ARL8A: variants seen among roughly 807,000 people sequenced by gnomAD.
ARL8A encodes the protein ADP-ribosylation factor-like protein 8A.
Under a neutral mutation model 31.2 loss-of-function variants are expected in ARL8A, and 10 were observed. The observed-to-expected ratio is 0.32, with a 90% CI of 0.20 to 0.54. The LOEUF (loss-of-function observed/expected upper bound fraction) is 0.54, where lower values mean the gene tolerates loss of function less well. Ranked by LOEUF, ARL8A falls within the 20% of genes least tolerant of loss-of-function variation. The pLI is 0.93. For missense variants in ARL8A, 129 were observed against 242.8 expected (o/e 0.53, Z 3.12); for synonymous variants, 70 against 86.9 (o/e 0.81, Z 1.08).
In ARL8A at chr1:202,135,276, G is replaced by A. The variant is rs1333740787; in HGVS notation, c.441-56C>T. ...GCTACGAACGTCCAGGGGGCCTGGGGCTAGGGGACAGCGGGGCCTTTTTCT... is the reference window on the plus strand; with the variant it reads ...GCTACGAACGTCCAGGGGGCCTGGGACTAGGGGACAGCGGGGCCTTTTTCT... On this transcript the variant is annotated intron_variant, in intron 5 of 6. Coordinates refer to ENST00000272217, the MANE Select transcript of ARL8A (RefSeq NM_138795.4). This position sits in a 1 kb window ranked among gnomAD's most constrained non-coding sequence, Gnocchi z 5.3. 6.4e-7 allele frequency: 1 copy of A among 1,556,764 alleles called. No individual in the cohort carries two copies. Among genetic ancestry groups the A allele is most frequent in the Non-Finnish European group, 8.9e-7 (1 of 1,128,152 alleles).
chr1:202,134,650 G>A lies in ARL8A; in HGVS notation c.512-134C>T. 2.5e-6 allele frequency: 2 copies of A among 797,164 alleles called. No individual in the cohort carries two copies. The highest frequency in any genetic ancestry group is 2.9e-5 in the South Asian group (2 of 68,126). 49.4% of individuals were successfully genotyped at this position (797,164 alleles called of 1,614,324 possible). ...CCAGGAGGGGTGGCGCACACCTGGA[G>A]TCTCAGCTACATGGGAAGCTCAGGT... On this transcript the variant is annotated intron_variant, in intron 6 of 6. Coordinates refer to ENST00000272217, the MANE Select transcript of ARL8A (RefSeq NM_138795.4). This position sits in a 1 kb window ranked among gnomAD's most constrained non-coding sequence, Gnocchi z 4.2.
In ARL8A at chr1:202,135,676, C is replaced by G; in HGVS notation, c.372+31G>C. On this transcript the variant is annotated intron_variant, in intron 4 of 6. Transcript: ENST00000272217. The surrounding 1 kb of genome is among the most constrained non-coding windows in gnomAD (Gnocchi z 5.3). ...CCCAGTGACTTCCCAGCCGAGCTCC[C>G]TCCCCATCCCGCTCCCTCAGGTCTG... 6.2e-7 allele frequency: 1 copy of G among 1,604,362 alleles called. No homozygotes were observed. The highest frequency in any genetic ancestry group is 8.5e-7 in the Non-Finnish European group (1 of 1,171,258).
chr1:202,137,863 G>A (rs1348643159), intron 3 of ARL8A, 102 bp downstream of exon 3: 2 of 1,283,024 alleles, frequency 1.6e-6, no homozygotes, highest in East Asian at 2.5e-5. Context: ...ATGAACCAAG[G>A]ATTATGTCTA....
Position 202,134,527 on chromosome 1 carries a change from A to T in ARL8A, c.512-11T>A, listed in dbSNP as rs1247089895. On this transcript the variant is annotated splice_polypyrimidine_tract_variant and intron_variant, in intron 6 of 6. Coordinates refer to ENST00000272217, the MANE Select transcript of ARL8A (RefSeq NM_138795.4). The surrounding 1 kb of genome is among the most constrained non-coding windows in gnomAD (Gnocchi z 4.2). ...ACTGTAGGGTGATGTCTGATAGGAG[A>T]AAAGAGAACAGCTTATAAGGCCTGC... 1 of 1,611,520 alleles carries T rather than the reference A, an allele frequency of 6.2e-7. No individual in the cohort carries two copies. The highest frequency in any genetic ancestry group is 8.5e-7 in the Non-Finnish European group (1 of 1,177,860).
At chr1:202,136,979 C>T (rs940229347) in intron 3 of ARL8A, among the ~76,000 whole-genome samples, 5 of 151,852 alleles carry the variant, frequency 3.3e-5, no homozygotes, top group South Asian at 2.1e-4. Context: ...CTCAGCCTCG[C>T]GAGTAGCTGG....
intron 3 of ARL8A, among the ~76,000 whole-genome samples, chr1:202,136,017 T>C (rs1044586136): frequency 6.6e-6 from 1 of 152,150 alleles, no homozygotes; most frequent in African/African-American, 2.4e-5. Flanking sequence ...AGGCCTGCCA[T>C]TAGCCTCCAA....
chr1:202,144,427 C>A lies in ARL8A; in HGVS notation c.123+23G>T. On this transcript the variant is annotated intron_variant, in intron 1 of 6. Coordinates refer to ENST00000272217, the MANE Select transcript of ARL8A (RefSeq NM_138795.4). The surrounding 1 kb of genome is among the most constrained non-coding windows in gnomAD (Gnocchi z 5.2). ...CCGACCCGCGGCCCGCGCCCGGGGA[C>A]CCCGCGCCCGACGCCCTCGTACCGC... 1 of 1,376,918 alleles carries A rather than the reference C, an allele frequency of 7.3e-7. No homozygotes were observed. The highest frequency in any genetic ancestry group is 9.6e-7 in the Non-Finnish European group (1 of 1,037,600). The allele number at this position is 1,376,918 out of a possible 1,614,324, so 85.3% of individuals were successfully genotyped here.
chr1:202,135,857 CAAGG>C lies in ARL8A; in HGVS notation c.279-61_279-58del, dbSNP rs1654992144. 1.4e-6 allele frequency: 2 copies of C among 1,471,982 alleles called. No individual in the cohort carries two copies. The highest frequency in any genetic ancestry group is 1.9e-6 in the Non-Finnish European group (2 of 1,051,942). The allele number at this position is 1,471,982 out of a possible 1,614,324, so 91.2% of individuals were successfully genotyped here. ...GTTGACACCACAGGCTGAGGTGGTG[CAAGG>C]AAGAGAAGGAGCTGCTGCTTGGAGG... On this transcript the variant is annotated intron_variant, in intron 3 of 6. Coordinates refer to ENST00000272217, the MANE Select transcript of ARL8A (RefSeq NM_138795.4). The surrounding 1 kb of genome is among the most constrained non-coding windows in gnomAD (Gnocchi z 5.3).
chr1:202,142,861 C>T (rs1655196940), intron 1 of ARL8A, among the ~76,000 whole-genome samples: 1 of 152,138 alleles, frequency 6.6e-6, no homozygotes, highest in South Asian at 2.1e-4. Context: ...TATAGTAACA[C>T]CCTGGGGAAC....
intron 3 of ARL8A, 48 bp downstream of exon 3, chr1:202,137,917 G>C (rs759400519): frequency 1.2e-6 from 2 of 1,604,344 alleles, no homozygotes; most frequent in Non-Finnish European, 1.7e-6. Context: ...AGCAGGGCTA[G>C]GGGGGCCGGG....
chr1:202,137,810 G>A (rs541463873), intron 3 of ARL8A, among the ~76,000 whole-genome samples, 155 bp downstream of exon 3: 6 of 152,294 alleles, frequency 3.9e-5, no homozygotes, highest in Admixed American at 2.0e-4. Context: ...TAAGAAACAA[G>A]TGGCATGCAA....
In ARL8A at chr1:202,134,615, T is replaced by C; in HGVS notation, c.512-99A>G. 1 of 1,113,250 alleles carries C rather than the reference T, an allele frequency of 9.0e-7. No individual in the cohort carries two copies. The highest frequency in any genetic ancestry group is 1.2e-5 in the South Asian group (1 of 80,308). The allele number at this position is 1,113,250 out of a possible 1,614,324, so 69.0% of individuals were successfully genotyped here. On this transcript the variant is annotated intron_variant, in intron 6 of 6. Coordinates refer to ENST00000272217, the MANE Select transcript of ARL8A (RefSeq NM_138795.4). The surrounding 1 kb of genome is among the most constrained non-coding windows in gnomAD (Gnocchi z 4.2). Reference sequence around the variant, plus strand: ...AAACCAAACCTAAGGGTATCAGAAGTCCAGAGATGCCAGGAGGGGTGGCGC... The same window carrying C: ...AAACCAAACCTAAGGGTATCAGAAGCCCAGAGATGCCAGGAGGGGTGGCGC...
At chr1:202,139,516 T>C (rs1184596251) in intron 1 of ARL8A, among the ~76,000 whole-genome samples, 1 of 147,262 alleles carries the variant, frequency 6.8e-6, no homozygotes, top group Non-Finnish European at 1.5e-5. Flanking sequence ...GAGGTTGCAG[T>C]GAGCCGAGAT....
Position 202,134,430 on chromosome 1 carries a change from A to C in ARL8A, c.*37T>G, listed in dbSNP as rs1654948352. On this transcript the variant is annotated 3_prime_UTR_variant, in exon 7 of 7. Transcript: ENST00000272217. This position sits in a 1 kb window ranked among gnomAD's most constrained non-coding sequence, Gnocchi z 4.2. Reference sequence around the variant, plus strand: ...GGGAGCTCGGCTTCAGGTTTAGATGATGACGGTCCCTGGTCTGAGGGAGAA... The same window carrying C: ...GGGAGCTCGGCTTCAGGTTTAGATGCTGACGGTCCCTGGTCTGAGGGAGAA... 1 of 1,599,674 alleles carries C rather than the reference A, an allele frequency of 6.3e-7. No individual in the cohort carries two copies. The highest frequency in any genetic ancestry group is 1.1e-5 in the South Asian group (1 of 90,746).
Position 202,135,355 on chromosome 1 carries a change from TGCCACC to T in ARL8A, c.440+98_440+103del. On this transcript the variant is annotated intron_variant, in intron 5 of 6. Transcript: ENST00000272217. This position sits in a 1 kb window ranked among gnomAD's most constrained non-coding sequence, Gnocchi z 5.3. The stretch of plus-strand genomic sequence containing the variant: ...AGGTGCCTGAAAAGGTCGGCTCTGC[TGCCACC>T]GTGTGGCTAATACTAAGAACAGCAG... 6.7e-7 allele frequency: 1 copy of T among 1,499,944 alleles called. No individual in the cohort carries two copies. The highest frequency in any genetic ancestry group is 2.3e-5 in the East Asian group (1 of 44,208). 92.9% of individuals were successfully genotyped at this position (1,499,944 alleles called of 1,614,324 possible).
chr1:202,134,998 A>G lies in ARL8A; in HGVS notation c.511+152T>C. 4.3e-6 allele frequency: 3 copies of G among 701,584 alleles called. No individual in the cohort carries two copies. Among genetic ancestry groups the G allele is most frequent in the Non-Finnish European group, 7.4e-6 (3 of 406,678 alleles). 43.5% of individuals were successfully genotyped at this position (701,584 alleles called of 1,614,324 possible). On this transcript the variant is annotated intron_variant, in intron 6 of 6. Coordinates refer to ENST00000272217, the MANE Select transcript of ARL8A (RefSeq NM_138795.4). This position sits in a 1 kb window ranked among gnomAD's most constrained non-coding sequence, Gnocchi z 4.2. ...CAACCGCTTGGCGACAAGCTGGGATAGTGCCCAGAATCTGGGCCACCTGGC... is the reference window on the plus strand; with the variant it reads ...CAACCGCTTGGCGACAAGCTGGGATGGTGCCCAGAATCTGGGCCACCTGGC...
intron 3 of ARL8A, among the ~76,000 whole-genome samples, chr1:202,136,051 C>G (rs1453603719): frequency 6.6e-6 from 1 of 152,188 alleles, no homozygotes; most frequent in Admixed American, 6.5e-5. Flanking sequence ...GAAGCCGTTA[C>G]TCATGTGGAA....
In ARL8A at chr1:202,135,280, G is replaced by C. The variant is rs116468762; in HGVS notation, c.441-60C>G. ...CGAACGTCCAGGGGGCCTGGGGCTA[G>C]GGGACAGCGGGGCCTTTTTCTTACC... On this transcript the variant is annotated intron_variant, in intron 5 of 6. Coordinates refer to ENST00000272217, the MANE Select transcript of ARL8A (RefSeq NM_138795.4). The surrounding 1 kb of genome is among the most constrained non-coding windows in gnomAD (Gnocchi z 5.3). 188 of 1,538,582 alleles carry C rather than the reference G, an allele frequency of 1.2e-4. No homozygotes were observed. The highest frequency in any genetic ancestry group is 1.6e-4 in the Non-Finnish European group (181 of 1,111,918).
rs1242112100 is a variant in ARL8A at position 202,138,234 on chromosome 1, G to A, written c.204+134C>T. 9.2e-6 allele frequency: 11 copies of A among 1,190,182 alleles called. No homozygotes were observed. Among genetic ancestry groups the A allele is most frequent in the Non-Finnish European group, 1.3e-5 (11 of 828,750 alleles). The allele number at this position is 1,190,182 out of a possible 1,614,324, so 73.7% of individuals were successfully genotyped here. Reference sequence around the variant, plus strand: ...GTCTTTTCCCAGCTCCTCAGCAGGGGGACCCTGGCCTCTGCCCCACTTCAG... The same window carrying A: ...GTCTTTTCCCAGCTCCTCAGCAGGGAGACCCTGGCCTCTGCCCCACTTCAG... On this transcript the variant is annotated intron_variant, in intron 2 of 6. Transcript: ENST00000272217. The surrounding 1 kb of genome is among the most constrained non-coding windows in gnomAD (Gnocchi z 4.4).
Sources: gnomAD v4.1 joint callset for allele counts (sites outside exome capture counted in the v4.1 genomes callset) on GRCh38, gnomAD v4.1.1 for gene constraint, Gnocchi (gnomAD v3.1) non-coding constraint, MANE v1.5 for transcripts, NCBI Gene and HGNC (gene_info 2026-07-23, HGNC 2026-07-21) for gene names.